Variants in ZC3H6 observed in about 807,000 individuals in gnomAD.
ZC3H6 encodes the protein zinc finger CCCH-type containing 6.
A neutral mutation model predicts 107.7 loss-of-function variants in ZC3H6; 40 were observed. The observed-to-expected ratio is 0.37, with a 90% CI of 0.29 to 0.48. The LOEUF (loss-of-function observed/expected upper bound fraction) is 0.48. ZC3H6 is among the 20% of genes least tolerant of loss of function. The probability of loss-of-function intolerance (pLI) is 0.98; values close to 1 mark genes in which losing one functional copy is unlikely to be tolerated. For missense variants in ZC3H6, 1,267 were observed against 1,410.4 expected, an observed-to-expected ratio of 0.90 and a Z score of 1.63; for synonymous variants, 493 against 487.9, an observed-to-expected ratio of 1.01 and a Z score of -0.14.
At chr2:112,292,222 C>A (rs1330327365) in intron 1 of ZC3H6, among the ~76,000 whole-genome samples, 2 of 152,038 alleles carry the variant, frequency 1.3e-5, no homozygotes, top group African/African-American at 4.8e-5. Flanking sequence ...TTTAACAATC[C>A]CCTCCCCTAT....
At chr2:112,288,207 AT>A (rs35202373) in intron 1 of ZC3H6, among the ~76,000 whole-genome samples, 13,940 of 148,322 alleles carry the variant, frequency 0.094, 620 homozygotes, top group Non-Finnish European at 0.12. Context: ...GCTTCCTTTC[AT>A]TTTTTTTTTT....
intron 5 of ZC3H6, among the ~76,000 whole-genome samples, chr2:112,315,481 C>G (rs1573960291): frequency 6.6e-6 from 1 of 152,068 alleles, no homozygotes; most frequent in African/African-American, 2.4e-5. Context: ...GAGACATACA[C>G]TGTAAAATAT....
In ZC3H6 at chr2:112,315,131, A is replaced by G. The variant is rs1326646041; in HGVS notation, c.748-1339A>G. ...AAGAGTAAATAGTCATTGAACTCCT[A>G]TGATATACAGGGCACAGTGCATGCC... On this transcript the variant is annotated intron_variant, in intron 5 of 11. Coordinates refer to ENST00000409871, the MANE Select transcript of ZC3H6 (RefSeq NM_198581.3). Among the ~76,000 whole-genome samples the G allele has an allele frequency of 4.6e-5, 7 of 152,358 alleles. No homozygotes were observed. The East Asian group carries it at 5.8e-4, about 13-fold the overall frequency.
chr2:112,282,084 A>G (rs1165316070), intron 1 of ZC3H6, among the ~76,000 whole-genome samples: 3 of 152,226 alleles, frequency 2.0e-5, no homozygotes, highest in African/African-American at 4.8e-5. Flanking sequence ...CTTATCATTC[A>G]TAGTTTCTTG....
At chr2:112,323,108 T>C (rs995320801) in intron 9 of ZC3H6, among the ~76,000 whole-genome samples, 6 of 152,176 alleles carry the variant, frequency 3.9e-5, no homozygotes, top group African/African-American at 9.6e-5. Flanking sequence ...GGAATCCTTA[T>C]ACAGCTTCTG....
intron 1 of ZC3H6, among the ~76,000 whole-genome samples, chr2:112,281,187 G>A (rs905111305): frequency 6.6e-6 from 1 of 152,140 alleles, no homozygotes; most frequent in Non-Finnish European, 1.5e-5. Context: ...AGGGTGTTTA[G>A]GGAAGCACTT....
intron 9 of ZC3H6, among the ~76,000 whole-genome samples, chr2:112,323,900 G>T (rs1676851705): frequency 6.6e-6 from 1 of 152,068 alleles, no homozygotes; most frequent in Non-Finnish European, 1.5e-5. Context: ...ATTTATCTTT[G>T]TACTTTTCTG....
rs1013806298 is a variant in ZC3H6 at position 112,324,949 on chromosome 2, A to G, written c.1853-15A>G. 1.1e-5 allele frequency: 17 copies of G among 1,579,888 alleles called. No individual in the cohort carries two copies. The highest frequency in any genetic ancestry group is 1.4e-5 in the Non-Finnish European group (16 of 1,161,942). ...GCTCACTCAATGACTGTCTCTCCCC[A>G]TGTTATACATGTAGATGGGATGTGG... is the stretch of plus-strand genomic sequence containing the variant. On this transcript the variant is annotated splice_polypyrimidine_tract_variant and intron_variant, in intron 10 of 11. Transcript: ENST00000409871.
In ZC3H6 at chr2:112,338,622, TAGTC is replaced by T. The variant is rs1349312703; in HGVS notation, c.*6137_*6140del. On this transcript the variant is annotated 3_prime_UTR_variant, in exon 12 of 12. Coordinates refer to ENST00000409871, the MANE Select transcript of ZC3H6 (RefSeq NM_198581.3). ...TTTTAGAAAAAATTAGCTCTGCAGA[TAGTC>T]AGGCCCCATACTTCTTGGCTCATTA... is the stretch of plus-strand genomic sequence containing the variant. 9.2e-5 allele frequency: 14 copies of T among 151,880 alleles called. No individual in the cohort carries two copies. The highest frequency in any genetic ancestry group is 6.2e-4 in the South Asian group (3 of 4,806). The allele number at this position is 151,880 out of a possible 1,614,324, so 9.4% of individuals were successfully genotyped here.
At chr2:112,278,046 A>G (rs1276614838) in intron 1 of ZC3H6, among the ~76,000 whole-genome samples, 2 of 152,326 alleles carry the variant, frequency 1.3e-5, no homozygotes, top group Admixed American at 6.5e-5. Flanking sequence ...GTGTTTCCCA[A>G]TGATAGTTAA....
In ZC3H6 at chr2:112,324,486, CAT is replaced by C. The variant is rs767255870; in HGVS notation, c.1676_1677del (p.His559ArgfsTer22). The stretch of plus-strand genomic sequence containing the variant: ...TTACCACTCCCCAGGCTTTCCAGGA[CAT>C]GTGATGAAAGTACCCAGAGAGAATC... ...GAYHSPGFPG[H>X]VMKVPRENHC... On this transcript the variant is annotated frameshift_variant, in exon 10 of 12. Transcript: ENST00000409871. LOFTEE classifies it high-confidence loss of function. The C allele has an allele frequency of 1.2e-6, 2 of 1,613,580 alleles. No homozygotes were observed. The highest frequency in any genetic ancestry group is 1.3e-5 in the African/African-American group (1 of 74,938).
chr2:112,334,133 C>T lies in ZC3H6; in HGVS notation c.*1645C>T, dbSNP rs1000030607. On this transcript the variant is annotated 3_prime_UTR_variant, in exon 12 of 12. Transcript: ENST00000409871. ...TGTTGTCTAAAATGGCTCTGGATAA[C>T]ATTTTTGGGTTAAAAAATGTAATTT... is the stretch of plus-strand genomic sequence containing the variant. 2 of 151,992 alleles carry T rather than the reference C, an allele frequency of 1.3e-5. No individual in the cohort carries two copies. Among genetic ancestry groups the T allele is most frequent in the Non-Finnish European group, 2.9e-5 (2 of 67,960 alleles). The allele number at this position is 151,992 out of a possible 1,614,324, so 9.4% of individuals were successfully genotyped here. A position where few individuals can be genotyped will look rare whatever the true frequency, so the allele number is the denominator to read the frequency against.
chr2:112,279,406 A>G (rs1465058286), intron 1 of ZC3H6, among the ~76,000 whole-genome samples: 1 of 152,262 alleles, frequency 6.6e-6, no homozygotes, highest in African/African-American at 2.4e-5. Context: ...ACTAATGGTA[A>G]AAGGTTTTGT....
At position 112,275,954 on chromosome 2, in the gene ZC3H6, C is replaced by G. The variant is rs768720657; in HGVS notation, c.-41C>G. ...CCCCGCGCCCCGCCGCCGCCGGCCT[C>G]GCAGACCTGCCCTCCAGCCCCGCCC... On this transcript the variant is annotated 5_prime_UTR_variant, in exon 1 of 12. Coordinates refer to ENST00000409871, the MANE Select transcript of ZC3H6 (RefSeq NM_198581.3). 2.7e-5 allele frequency: 41 copies of G among 1,515,054 alleles called. 1 individual carries two copies. The South Asian group carries it at 5.0e-4, about 18-fold the overall frequency. The allele number at this position is 1,515,054 out of a possible 1,614,324, so 93.9% of individuals were successfully genotyped here. A position where few individuals can be genotyped will look rare whatever the true frequency, so the allele number is the denominator to read the frequency against.
chr2:112,292,600 T>G (rs1445177024), intron 1 of ZC3H6, among the ~76,000 whole-genome samples: 1 of 152,222 alleles, frequency 6.6e-6, no homozygotes, highest in Non-Finnish European at 1.5e-5. Flanking sequence ...CCAAATTGTC[T>G]TTTCTTTCAG....
intron 1 of ZC3H6, among the ~76,000 whole-genome samples, chr2:112,296,003 C>A (rs1198195470): frequency 6.6e-6 from 1 of 151,968 alleles, no homozygotes; most frequent in Non-Finnish European, 1.5e-5. Flanking sequence ...AAAGGATAAA[C>A]ACTTATAGAT....
chr2:112,308,983 C>G (rs1402291380), intron 3 of ZC3H6, among the ~76,000 whole-genome samples: 2 of 151,816 alleles, frequency 1.3e-5, no homozygotes, highest in African/African-American at 4.8e-5. Flanking sequence ...ACCCAAGAGG[C>G]AGAGGTCGCA....
chr2:112,338,465 G>A lies in ZC3H6; in HGVS notation c.*5977G>A, dbSNP rs1377961653. ...GTTAGCAAAATTATTGTAGGCATAA[G>A]GAAGAGCTGTGAGTTCAAAGAAGAT... On this transcript the variant is annotated 3_prime_UTR_variant, in exon 12 of 12. Transcript: ENST00000409871. The A allele has an allele frequency of 6.6e-6, 1 of 152,128 alleles. No individual in the cohort carries two copies. The highest frequency in any genetic ancestry group is 1.5e-5 in the Non-Finnish European group (1 of 68,020). The allele number at this position is 152,128 out of a possible 1,614,324, so 9.4% of individuals were successfully genotyped here. A position where few individuals can be genotyped will look rare whatever the true frequency, so the allele number is the denominator to read the frequency against.
At chr2:112,330,195 T>C (rs1676998890) in intron 11 of ZC3H6, among the ~76,000 whole-genome samples, 1 of 151,820 alleles carries the variant, frequency 6.6e-6, no homozygotes. Flanking sequence ...TGGGACTACA[T>C]GTGCCCGCCA....
Sources: allele counts gnomAD v4.1 joint callset (sites outside exome capture counted in the v4.1 genomes callset), GRCh38; gene constraint gnomAD v4.1.1; transcripts MANE v1.5; gene names NCBI Gene and HGNC (gene_info 2026-07-23, HGNC 2026-07-21).